The following EXOC5 variants were observed in gnomAD, a reference collection of about 807,000 sequenced individuals.
EXOC5 encodes exocyst complex component 5.
In EXOC5, 17 loss-of-function variants were observed where a neutral mutation model predicts 90.8. The observed-to-expected ratio is 0.19, with a 90% CI of 0.13 to 0.28. The LOEUF (loss-of-function observed/expected upper bound fraction) is 0.28. EXOC5 is among the 10% of genes least tolerant of loss of function. The probability of loss-of-function intolerance (pLI) is 1.00; values close to 1 mark genes in which losing one functional copy is unlikely to be tolerated. For synonymous variants in EXOC5, 260 were observed against 270.0 expected (o/e 0.96, Z 0.36); for missense variants, 569 against 830.6 (o/e 0.69, Z 3.87).
intron 1 of EXOC5, among the ~76,000 whole-genome samples, chr14:57,266,674 T>C (rs1279623697): frequency 1.4e-5 from 2 of 143,810 alleles, no homozygotes; most frequent in African/African-American, 5.8e-5. Flanking sequence ...AGTCACTAAA[T>C]TACATTATAT....
intron 1 of EXOC5, among the ~76,000 whole-genome samples, chr14:57,248,222 T>C (rs1159543777): frequency 6.6e-6 from 1 of 151,844 alleles, no homozygotes; most frequent in Non-Finnish European, 1.5e-5. Context: ...TTAGGTAACA[T>C]CAGTGTGTTA....
chr14:57,254,934 A>C (rs1884305198), intron 1 of EXOC5, among the ~76,000 whole-genome samples: 1 of 152,208 alleles, frequency 6.6e-6, no homozygotes, highest in Non-Finnish European at 1.5e-5. Flanking sequence ...GAAGCCATCC[A>C]GTCTATGGAA....
intron 13 of EXOC5, among the ~76,000 whole-genome samples, chr14:57,220,162 T>A (rs1883085624): frequency 6.6e-6 from 1 of 152,070 alleles, no homozygotes; most frequent in Non-Finnish European, 1.5e-5. Flanking sequence ...AACAATGATT[T>A]TTTTTTTCTC....
intron 1 of EXOC5, among the ~76,000 whole-genome samples, chr14:57,254,376 A>G (rs1382435578): frequency 6.6e-6 from 1 of 152,002 alleles, no homozygotes; most frequent in Non-Finnish European, 1.5e-5. Context: ...CAGAGGTTGC[A>G]GTGAGCCCAG....
chr14:57,261,626 A>G (rs141161740), intron 1 of EXOC5, among the ~76,000 whole-genome samples: 37 of 152,366 alleles, frequency 2.4e-4, no homozygotes, highest in African/African-American at 8.4e-4. Context: ...TAAAATAACA[A>G]TAATCATACT....
intron 13 of EXOC5, among the ~76,000 whole-genome samples, chr14:57,220,374 C>A (rs1276773628): frequency 6.6e-6 from 1 of 152,012 alleles, no homozygotes; most frequent in Non-Finnish European, 1.5e-5. Context: ...TATTGATGTA[C>A]TTTTTTTCTT....
At chr14:57,225,674 C>T (rs958300419) in intron 12 of EXOC5, among the ~76,000 whole-genome samples, 1 of 151,690 alleles carries the variant, frequency 6.6e-6, no homozygotes, top group Non-Finnish European at 1.5e-5. Flanking sequence ...AGACAAGTCT[C>T]AATCAATTTG....
Position 57,229,347 on chromosome 14 carries a change from C to T in EXOC5, c.1296+387G>A, listed in dbSNP as rs558418473. Among the ~76,000 whole-genome samples the T allele has an allele frequency of 1.1e-4, 17 of 152,170 alleles. No homozygotes were observed. The Middle Eastern group carries it at 0.027, about 244-fold the overall frequency. ...AAAATACAACTACATAGTCAGTTCT[C>T]TCTAACTGTAAGTTCTGTATCTGTG... On this transcript the variant is annotated intron_variant, in intron 12 of 17. Coordinates refer to ENST00000621441, the MANE Select transcript of EXOC5 (RefSeq NM_006544.4).
At chr14:57,268,236 AC>A in intron 1 of EXOC5, 1 of 309,462 alleles carries the variant, frequency 3.2e-6, no homozygotes, top group South Asian at 4.2e-5. Flanking sequence ...CAGCGACAAG[AC>A]TCGCCCAACC....
chr14:57,240,836 A>T (rs1487226659), intron 4 of EXOC5, among the ~76,000 whole-genome samples: 1 of 152,150 alleles, frequency 6.6e-6, no homozygotes, highest in Non-Finnish European at 1.5e-5. Context: ...AGCTAAGAAC[A>T]TCAATATAGA....
rs571232408 is a variant in EXOC5, at chr14:57,207,820, T to A, written c.*789A>T. ...TAAAATAATGAATAAATATGGTCCT[T>A]TAGTTAAGGTCCTCCACCTTAAGTG... On this transcript the variant is annotated 3_prime_UTR_variant, in exon 18 of 18. Coordinates refer to ENST00000621441, the MANE Select transcript of EXOC5 (RefSeq NM_006544.4). The A allele has an allele frequency of 1.6e-3, 238 of 152,208 alleles. No homozygotes were observed. The highest frequency in any genetic ancestry group is 5.3e-3 in the African/African-American group (222 of 41,552). 9.4% of individuals were successfully genotyped at this position (152,208 alleles called of 1,614,324 possible). A position where few individuals can be genotyped will look rare whatever the true frequency, so the allele number is the denominator to read the frequency against.
At chr14:57,231,935 T>C in intron 10 of EXOC5, 2 of 417,900 alleles carry the variant, frequency 4.8e-6, no homozygotes, top group African/African-American at 2.0e-5. Context: ...AGAACTGTTA[T>C]AAATTCCTAG....
At position 57,203,651 on chromosome 14, in the gene EXOC5, T is replaced by G. The variant is rs1403547709; in HGVS notation, c.*4958A>C. The G allele has an allele frequency of 6.6e-6, 1 of 152,596 alleles. No homozygotes were observed. Among genetic ancestry groups the G allele is most frequent in the East Asian group, 1.9e-4 (1 of 5,192 alleles). The allele number at this position is 152,596 out of a possible 1,614,324, so 9.5% of individuals were successfully genotyped here. On this transcript the variant is annotated 3_prime_UTR_variant, in exon 18 of 18. Transcript: ENST00000621441. ...TCACTAGGCACTTATAATTCTACAT[T>G]TTACTGACCTTTCACTGATTATAAA...
intron 11 of EXOC5, among the ~76,000 whole-genome samples, chr14:57,230,748 T>C (rs1465411835): frequency 6.6e-6 from 1 of 152,088 alleles, no homozygotes; most frequent in Non-Finnish European, 1.5e-5. Context: ...ATTGTAGGCA[T>C]TAAGGTATTA....
At chr14:57,214,609 T>C (rs754058189) in intron 15 of EXOC5, among the ~76,000 whole-genome samples, 1 of 152,072 alleles carries the variant, frequency 6.6e-6, no homozygotes, top group Admixed American at 6.6e-5. Flanking sequence ...AATGAGAGCA[T>C]AGATTTGCAG....
intron 5 of EXOC5, among the ~76,000 whole-genome samples, chr14:57,238,373 TATACACACAC>T (rs1415980724): frequency 1.3e-5 from 1 of 79,914 alleles, no homozygotes; most frequent in Non-Finnish European, 3.0e-5. Flanking sequence ...TATATATATA[TATACACACAC>T]ACACACACAC....
At chr14:57,257,405 G>A (rs8020383) in intron 1 of EXOC5, among the ~76,000 whole-genome samples, 423 of 152,288 alleles carry the variant, frequency 2.8e-3, no homozygotes, top group African/African-American at 9.3e-3. Flanking sequence ...AGAAGCTGGA[G>A]CTTCACAAAA....
intron 7 of EXOC5, among the ~76,000 whole-genome samples, chr14:57,234,233 T>C (rs1239088454): frequency 1.3e-5 from 2 of 152,060 alleles, no homozygotes; most frequent in East Asian, 3.9e-4. Context: ...CTTTCTATGA[T>C]AAAATTTATC....
intron 2 of EXOC5, 76 bp downstream of exon 2, chr14:57,247,542 T>C: frequency 3.2e-6 from 2 of 617,196 alleles, no homozygotes; most frequent in Non-Finnish European, 5.5e-6. Context: ...CTGAAAGCAA[T>C]CTCAACAGTC....
Sources: gnomAD v4.1 joint callset for allele counts (sites outside exome capture counted in the v4.1 genomes callset) on GRCh38, gnomAD v4.1.1 for gene constraint, MANE v1.5 for transcripts, NCBI Gene and HGNC (gene_info 2026-07-23, HGNC 2026-07-21) for gene names.